PLEKHA2: variants seen among roughly 807,000 people sequenced by gnomAD.
The protein encoded by PLEKHA2 is pleckstrin homology domain-containing family A member 2.
A neutral mutation model predicts 53.2 loss-of-function variants in PLEKHA2; 28 were observed. The observed-to-expected ratio is 0.53, with a 90% confidence interval of 0.39 to 0.72. The LOEUF is 0.72. Ranked by LOEUF, PLEKHA2 falls within the 30% of genes least tolerant of loss-of-function variation. The pLI, the probability that PLEKHA2 is intolerant of heterozygous loss-of-function variation, is 0.00. For missense variants in PLEKHA2, 426 were observed against 537.9 expected (o/e 0.79, Z 2.06); for synonymous variants, 193 against 196.4 (o/e 0.98, Z 0.14).
intron 10 of PLEKHA2, among the ~76,000 whole-genome samples, chr8:38,962,825 AGT>A (rs996481630): frequency 2.6e-5 from 4 of 152,214 alleles, no homozygotes; most frequent in South Asian, 4.1e-4. Context: ...TGAGTTGCAG[AGT>A]GTTGCATTAG....
intron 1 of PLEKHA2, among the ~76,000 whole-genome samples, chr8:38,911,832 C>A (rs1454159344): frequency 1.3e-5 from 2 of 152,068 alleles, no homozygotes; most frequent in Non-Finnish European, 2.9e-5. Flanking sequence ...AAAAATTAGC[C>A]CTCCATGGTG....
chr8:38,932,292 G>C (rs1381068640), intron 2 of PLEKHA2, among the ~76,000 whole-genome samples: 1 of 152,212 alleles, frequency 6.6e-6, no homozygotes, highest in African/African-American at 2.4e-5. Context: ...CACTGCACCT[G>C]GTCATTCTTG....
At chr8:38,903,076 A>G (rs62503459) in intron 1 of PLEKHA2, among the ~76,000 whole-genome samples, 24,731 of 152,294 alleles carry the variant, frequency 0.16, 2,479 homozygotes, top group Middle Eastern at 0.23. Flanking sequence ...GAATGCAAAC[A>G]CATGAATTGT....
chr8:38,949,909 A>G (rs962029785), intron 5 of PLEKHA2, among the ~76,000 whole-genome samples: 37 of 152,172 alleles, frequency 2.4e-4, no homozygotes, highest in African/African-American at 8.4e-4. Context: ...GAAGGGTTAT[A>G]CCACACATCT....
intron 8 of PLEKHA2, 60 bp downstream of exon 8, chr8:38,952,764 C>G: frequency 6.6e-7 from 1 of 1,526,308 alleles, no homozygotes; most frequent in Non-Finnish European, 9.0e-7. Flanking sequence ...TGCATAGGTG[C>G]ACACCCACAG....
intron 2 of PLEKHA2, 114 bp from the exon 3 acceptor site, chr8:38,935,880 G>A: frequency 1.1e-6 from 1 of 898,478 alleles, no homozygotes; most frequent in African/African-American, 1.6e-5. Flanking sequence ...GAATGGTTGA[G>A]TAACTTGCTC....
intron 3 of PLEKHA2, among the ~76,000 whole-genome samples, chr8:38,937,222 G>A (rs1333487160): frequency 6.6e-6 from 1 of 152,232 alleles, no homozygotes; most frequent in Non-Finnish European, 1.5e-5. Flanking sequence ...TGACCTCAGG[G>A]AAGGAGGAAG....
At chr8:38,920,243 C>T (rs1397331978) in intron 2 of PLEKHA2, among the ~76,000 whole-genome samples, 2 of 151,494 alleles carry the variant, frequency 1.3e-5, no homozygotes, top group African/African-American at 2.4e-5. Flanking sequence ...CTCTGCCTCC[C>T]GGGTTCACGC....
chr8:38,907,115 G>A (rs1302231690), intron 1 of PLEKHA2, among the ~76,000 whole-genome samples: 1 of 152,098 alleles, frequency 6.6e-6, no homozygotes, highest in African/African-American at 2.4e-5. Context: ...CGTACCACAC[G>A]CCCCACTCCT....
At chr8:38,956,364 T>A (rs1210221706) in intron 9 of PLEKHA2, among the ~76,000 whole-genome samples, 1 of 152,100 alleles carries the variant, frequency 6.6e-6, no homozygotes, top group African/African-American at 2.4e-5. Flanking sequence ...CCTCTTTAGC[T>A]CTTTGTCTCC....
intron 1 of PLEKHA2, among the ~76,000 whole-genome samples, chr8:38,917,489 G>A (rs1165595653): frequency 6.6e-6 from 1 of 152,208 alleles, no homozygotes; most frequent in Non-Finnish European, 1.5e-5. Context: ...TGCTTACTGT[G>A]TGCCTACCAC....
At chr8:38,911,196 C>T (rs1833948168) in intron 1 of PLEKHA2, among the ~76,000 whole-genome samples, 1 of 151,850 alleles carries the variant, frequency 6.6e-6, no homozygotes, top group Admixed American at 6.6e-5. Context: ...GTGAAGGGAC[C>T]ATCTAGAGAC....
At chr8:38,961,740 G>C (rs571228920) in intron 10 of PLEKHA2, among the ~76,000 whole-genome samples, 75 of 152,290 alleles carry the variant, frequency 4.9e-4, no homozygotes, top group African/African-American at 1.7e-3. Flanking sequence ...CTAGACCAAA[G>C]AGCAGGGCAG....
intron 2 of PLEKHA2, among the ~76,000 whole-genome samples, chr8:38,929,471 C>T (rs1834349639): frequency 6.6e-6 from 1 of 152,162 alleles, no homozygotes; most frequent in African/African-American, 2.4e-5. Flanking sequence ...TGGGAGATGG[C>T]AGGGCCTAAA....
At position 38,917,960 on chromosome 8, in the gene PLEKHA2, T is replaced by C. The variant is rs757953837; in HGVS notation, c.31T>C (p.Cys11Arg). The change falls in exon 2 of 12, where the codon TGT (cysteine) becomes CGT (arginine). Residue 11 changes from cysteine to arginine, a missense_variant. Transcript: ENST00000617275. The part of the protein sequence containing the change: MPYVDRQNRI[C>R]GFLDIEEHEN... ...TTATGTGGATCGGCAGAACCGAATC[T>C]GTGGGTTTCTGGACATCGAGGAGCA... 1 of 1,613,652 alleles carries C rather than the reference T, an allele frequency of 6.2e-7. No homozygotes were observed. Among genetic ancestry groups the C allele is most frequent in the South Asian group, 1.1e-5 (1 of 91,084 alleles).
intron 4 of PLEKHA2, among the ~76,000 whole-genome samples, 162 bp from the exon 5 acceptor site, chr8:38,945,962 A>T (rs999022469): frequency 1.3e-5 from 2 of 152,126 alleles, no homozygotes; most frequent in African/African-American, 4.8e-5. Flanking sequence ...GGGGCTTCCT[A>T]GATATCCAGG....
In PLEKHA2 at chr8:38,968,577, A is replaced by T. The variant is rs1413911953; in HGVS notation, c.838-15A>T. 2 of 1,613,888 alleles carry T rather than the reference A, an allele frequency of 1.2e-6. No homozygotes were observed. Among genetic ancestry groups the T allele is most frequent in the East Asian group, 2.2e-5 (1 of 44,874 alleles). ...TGCCTAAAATTTCTTGGTAAGAGCCATGGATGTTTTGCAGGCAGACAGTCC... is the reference window on the plus strand; with the variant it reads ...TGCCTAAAATTTCTTGGTAAGAGCCTTGGATGTTTTGCAGGCAGACAGTCC... On this transcript the variant is annotated splice_polypyrimidine_tract_variant and intron_variant, in intron 10 of 11. Transcript: ENST00000617275.
intron 10 of PLEKHA2, among the ~76,000 whole-genome samples, chr8:38,967,766 A>G (rs995978165): frequency 6.6e-6 from 1 of 151,674 alleles, no homozygotes; most frequent in African/African-American, 2.4e-5. Context: ...GGTTCAAGCA[A>G]TTCTCCTGCC....
intron 3 of PLEKHA2, among the ~76,000 whole-genome samples, chr8:38,938,786 T>C (rs1564130703): frequency 1.3e-5 from 2 of 152,240 alleles, no homozygotes; most frequent in African/African-American, 2.4e-5. Flanking sequence ...GTGGCCTCAC[T>C]GGAGTCAGAC....
Sources: gnomAD v4.1 joint callset for allele counts (sites outside exome capture counted in the v4.1 genomes callset) on GRCh38, gnomAD v4.1.1 for gene constraint, MANE v1.5 for transcripts, NCBI Gene and HGNC (gene_info 2026-07-23, HGNC 2026-07-21) for gene names.